POLH: variants seen among roughly 807,000 people sequenced by gnomAD.
The protein encoded by POLH is DNA polymerase eta transcript.
A neutral mutation model predicts 73.6 loss-of-function variants in POLH; 53 were observed. The observed-to-expected ratio is 0.72, with a 90% CI of 0.58 to 0.91. POLH has a LOEUF of 0.91. POLH is among the 40% of genes least tolerant of loss of function. The probability of loss-of-function intolerance (pLI) is 0.00; values close to 1 mark genes in which losing one functional copy is unlikely to be tolerated. For missense variants in POLH, 768 were observed against 865.4 expected (o/e 0.89, Z 1.41); for synonymous variants, 292 against 308.5 (o/e 0.95, Z 0.56).
chr6:43,584,216 A>G lies in POLH; in HGVS notation c.272+1075A>G, dbSNP rs1462795071. Among the ~76,000 whole-genome samples, 7 of 152,192 alleles carry G rather than the reference A, an allele frequency of 4.6e-5. No homozygotes were observed. In the South Asian group the frequency reaches 6.2e-4, roughly 14 times the overall value. On this transcript the variant is annotated intron_variant, in intron 3 of 10. Transcript: ENST00000372236. ...TCTGTTTTTTAAGATTCTAGTATCTATGTTCTCAAGGTACACTATACTATG... is the reference window on the plus strand; with the variant it reads ...TCTGTTTTTTAAGATTCTAGTATCTGTGTTCTCAAGGTACACTATACTATG...
chr6:43,595,152 G>T (rs1765896016), intron 4 of POLH, among the ~76,000 whole-genome samples: 1 of 146,674 alleles, frequency 6.8e-6, no homozygotes, highest in African/African-American at 2.5e-5. Context: ...CAAAAGACAG[G>T]TTTTTTTTTT....
At chr6:43,595,992 G>A (rs182253701) in intron 4 of POLH, among the ~76,000 whole-genome samples, 2 of 152,004 alleles carry the variant, frequency 1.3e-5, no homozygotes, top group East Asian at 3.9e-4. Context: ...ACTCCAACCT[G>A]GATGACGGAG....
intron 8 of POLH, among the ~76,000 whole-genome samples, chr6:43,604,984 G>C (rs1329555529): frequency 6.6e-6 from 1 of 152,162 alleles, no homozygotes; most frequent in African/African-American, 2.4e-5. Flanking sequence ...AGGATATTAT[G>C]CTTCAAGTTT....
chr6:43,607,097 T>C (rs1481371574), intron 9 of POLH, among the ~76,000 whole-genome samples: 1 of 152,226 alleles, frequency 6.6e-6, no homozygotes, highest in Non-Finnish European at 1.5e-5. Flanking sequence ...TTTTTGTTTG[T>C]TTTGTTTTTG....
At chr6:43,595,929 A>G (rs543156714) in intron 4 of POLH, among the ~76,000 whole-genome samples, 345 of 152,166 alleles carry the variant, frequency 2.3e-3, no homozygotes, top group Non-Finnish European at 2.9e-3. Context: ...AACATCCATC[A>G]TTTAAAATAA....
At chr6:43,584,370 A>G (rs542683810) in intron 3 of POLH, among the ~76,000 whole-genome samples, 3 of 152,312 alleles carry the variant, frequency 2.0e-5, no homozygotes, top group African/African-American at 7.2e-5. Context: ...TTGCTAGAAA[A>G]GAAGATAGAC....
intron 5 of POLH, among the ~76,000 whole-genome samples, chr6:43,598,752 A>G (rs1766402338): frequency 1.3e-5 from 2 of 152,154 alleles, no homozygotes; most frequent in Non-Finnish European, 2.9e-5. Context: ...AGTATACAGA[A>G]GGATATACAA....
chr6:43,616,811 T>C lies in POLH; in HGVS notation c.*2254T>C, dbSNP rs1200941395. On this transcript the variant is annotated 3_prime_UTR_variant, in exon 11 of 11. Coordinates refer to ENST00000372236, the MANE Select transcript of POLH (RefSeq NM_006502.3). Reference sequence around the variant, plus strand: ...CCTATTATACCCTCAGTTCTAACCATTGGCCTATCTCTTGCGTTTTGTTCT... The same window carrying C: ...CCTATTATACCCTCAGTTCTAACCACTGGCCTATCTCTTGCGTTTTGTTCT... Among the ~76,000 whole-genome samples, 2 of 152,358 alleles carry C rather than the reference T, an allele frequency of 1.3e-5. No homozygotes were observed. Among genetic ancestry groups the C allele is most frequent in the African/African-American group, 2.4e-5 (1 of 41,580 alleles).
intron 9 of POLH, among the ~76,000 whole-genome samples, chr6:43,607,775 G>A (rs187973134): frequency 1.0e-3 from 156 of 152,210 alleles, no homozygotes; most frequent in Non-Finnish European, 2.0e-3. Context: ...TCTCATTATG[G>A]TTTGGCTTAC....
chr6:43,576,676 TGGTGGGCA>T (rs1763380637), intron 1 of POLH, among the ~76,000 whole-genome samples: 2 of 152,248 alleles, frequency 1.3e-5, no homozygotes, highest in African/African-American at 4.8e-5. Context: ...TATTATTACC[TGGTGGGCA>T]CTAAACTTGT....
chr6:43,587,178 T>C, intron 3 of POLH, 94 bp from the exon 4 acceptor site: 1 of 920,026 alleles, frequency 1.1e-6, no homozygotes, highest in Non-Finnish European at 1.8e-6. Context: ...TGATTACGTG[T>C]ATTATTGTTC....
At chr6:43,606,292 C>T (rs987612163) in intron 9 of POLH, among the ~76,000 whole-genome samples, 2 of 151,924 alleles carry the variant, frequency 1.3e-5, no homozygotes, top group South Asian at 2.1e-4. Flanking sequence ...TTACTTACAT[C>T]TCCCCATTTC....
intron 1 of POLH, among the ~76,000 whole-genome samples, chr6:43,579,635 A>C (rs561992883): frequency 1.1e-4 from 16 of 152,306 alleles, no homozygotes; most frequent in Admixed American, 9.2e-4. Flanking sequence ...TGAGATTCCC[A>C]ATTTATATCC....
chr6:43,597,631 TTAGA>T (rs1766234425), intron 4 of POLH, 61 bp from the exon 5 acceptor site: 1 of 1,438,936 alleles, frequency 6.9e-7, no homozygotes, highest in Non-Finnish European at 9.7e-7. Context: ...CATTTCTACA[TTAGA>T]TAGCACAATT....
At chr6:43,583,892 T>G (rs1291946820) in intron 3 of POLH, among the ~76,000 whole-genome samples, 1 of 152,164 alleles carries the variant, frequency 6.6e-6, no homozygotes, top group Non-Finnish European at 1.5e-5. Context: ...TTAGGGAGGC[T>G]GAGGCGGGCA....
intron 4 of POLH, among the ~76,000 whole-genome samples, chr6:43,587,999 C>T (rs1382196569): frequency 1.3e-5 from 2 of 152,200 alleles, no homozygotes; most frequent in Non-Finnish European, 2.9e-5. Flanking sequence ...CGCCACTGCA[C>T]TCCAGCCTAG....
rs938682863 is a variant in POLH, at chr6:43,582,186, T to G, written c.-4-130T>G. 1.3e-5 allele frequency: 11 copies of G among 845,312 alleles called. No homozygotes were observed. In the African/African-American group the frequency reaches 1.7e-4, roughly 13 times the overall value. 52.4% of individuals were successfully genotyped at this position (845,312 alleles called of 1,614,324 possible). A position where few individuals can be genotyped will look rare whatever the true frequency, so the allele number is the denominator to read the frequency against. On this transcript the variant is annotated intron_variant, in intron 1 of 10. Coordinates refer to ENST00000372236, the MANE Select transcript of POLH (RefSeq NM_006502.3). ...TACTCAACCTGTATATTTAAATGCC[T>G]ATTTCATTCTTGTTAGTTTCCATGC...
At chr6:43,595,017 G>A (rs925292040) in intron 4 of POLH, among the ~76,000 whole-genome samples, 2 of 152,058 alleles carry the variant, frequency 1.3e-5, no homozygotes, top group Non-Finnish European at 2.9e-5. Context: ...TGGTGACATG[G>A]TGAAACCCCG....
intron 1 of POLH, among the ~76,000 whole-genome samples, chr6:43,577,451 C>T (rs1391013994): frequency 6.6e-6 from 1 of 152,184 alleles, no homozygotes; most frequent in Non-Finnish European, 1.5e-5. Flanking sequence ...AGTAGAGGGA[C>T]TTCTGGCATG....
Sources: allele counts gnomAD v4.1 joint callset (sites outside exome capture counted in the v4.1 genomes callset), GRCh38; gene constraint gnomAD v4.1.1; transcripts MANE v1.5; gene names NCBI Gene and HGNC (gene_info 2026-07-23, HGNC 2026-07-21).